The following PATJ variants were observed in gnomAD, a reference collection of about 807,000 sequenced individuals.
PATJ encodes inaD-like protein.
A neutral mutation model predicts 224.9 loss-of-function variants in PATJ; 190 were observed. The ratio of observed to expected loss-of-function variants is 0.84; its 90% CI spans 0.75 to 0.95. The LOEUF (loss-of-function observed/expected upper bound fraction) is 0.95. Ranked by LOEUF, PATJ falls within the 40% of genes least tolerant of loss-of-function variation. The pLI, the probability that PATJ is intolerant of heterozygous loss-of-function variation, is 0.00. For missense variants in PATJ, 2,121 were observed against 2,270.3 expected, an observed-to-expected ratio of 0.93 and a Z score of 1.34; for synonymous variants, 769 against 820.3, an observed-to-expected ratio of 0.94 and a Z score of 1.07.
intron 27 of PATJ, among the ~76,000 whole-genome samples, chr1:61,947,376 G>A (rs932593235): frequency 6.6e-6 from 1 of 152,082 alleles, no homozygotes; most frequent in Admixed American, 6.6e-5. Flanking sequence ...AAAGTCTCAG[G>A]ATACAAAATC....
intron 28 of PATJ, among the ~76,000 whole-genome samples, chr1:62,003,322 G>T (rs1354081891): frequency 1.3e-5 from 2 of 152,104 alleles, no homozygotes; most frequent in Non-Finnish European, 2.9e-5. Flanking sequence ...ACATGTCAGG[G>T]TTTAGAATTC....
At chr1:61,881,079 G>A (rs965106175) in intron 21 of PATJ, among the ~76,000 whole-genome samples, 2 of 152,330 alleles carry the variant, frequency 1.3e-5, no homozygotes, top group East Asian at 3.9e-4. Context: ...GGGTGACCAA[G>A]CGAGACCTTG....
rs1181400371 is a variant in PATJ at position 61,957,357 on chromosome 1, C to CT, written c.3670+29528_3670+29529insT. ...GAAAGGGCATTTTCTCTCAGTGGAA[C>CT]AATGGTTTTTATCAGACAAATAATT... On this transcript the variant is annotated intron_variant, in intron 27 of 43. Coordinates refer to ENST00000642238, the MANE Select transcript of PATJ (RefSeq NM_001350145.3). 5.3e-5 allele frequency among the ~76,000 whole-genome samples: 8 copies of CT among 152,016 alleles called. No homozygotes were observed. The East Asian group carries it at 1.5e-3, about 29-fold the overall frequency.
chr1:61,884,776 G>A (rs958688249), intron 22 of PATJ, among the ~76,000 whole-genome samples: 1 of 152,116 alleles, frequency 6.6e-6, no homozygotes, highest in Non-Finnish European at 1.5e-5. Context: ...AGTGTAAAAG[G>A]GGGTAGTTGA....
Position 61,899,629 on chromosome 1 carries a change from T to G in PATJ, c.3178T>G (p.Phe1060Val). Residue 1060 changes from phenylalanine (F) to valine (V), a missense_variant, in exon 23 of 44, where the codon TTT (phenylalanine) becomes GTT (valine). Coordinates refer to ENST00000642238, the MANE Select transcript of PATJ (RefSeq NM_001350145.3). ...AGGCGAAGGAGAAGAAACTCCAAATTTTAGCCACTGGGGTCCACCGAGAAT... is the reference window on the plus strand; with the variant it reads ...AGGCGAAGGAGAAGAAACTCCAAATGTTAGCCACTGGGGTCCACCGAGAAT... ...EEGEGEETPNFSHWGPPRIVE... is the reference protein window; with the variant it reads ...EEGEGEETPNVSHWGPPRIVE... 6.2e-7 allele frequency: 1 copy of G among 1,612,212 alleles called. No individual in the cohort carries two copies. The highest frequency in any genetic ancestry group is 8.5e-7 in the Non-Finnish European group (1 of 1,179,266).
At chr1:61,996,272 A>G (rs932492603) in intron 28 of PATJ, among the ~76,000 whole-genome samples, 1 of 152,236 alleles carries the variant, frequency 6.6e-6, no homozygotes, top group Non-Finnish European at 1.5e-5. Flanking sequence ...CCGAAACCAT[A>G]AAAGTTAAAT....
chr1:61,900,422 C>A (rs1460162934), intron 23 of PATJ, among the ~76,000 whole-genome samples: 2 of 151,938 alleles, frequency 1.3e-5, no homozygotes, highest in African/African-American at 2.4e-5. Context: ...GAAAACAAAA[C>A]CTTCTGGCCT....
intron 30 of PATJ, among the ~76,000 whole-genome samples, chr1:62,043,051 A>G (rs1651820637): frequency 2.0e-5 from 3 of 152,216 alleles, no homozygotes; most frequent in South Asian, 4.1e-4. Flanking sequence ...AAGAGTGCTA[A>G]TAAAACACTG....
In PATJ at chr1:62,108,405, GTTGAAAATGAGTAAGAT is replaced by G; in HGVS notation, c.4378-29_4378-13del. ...TTTGCTTAAGGAAGCATTTGTGGTT[GTTGAAAATGAGTAAGAT>G]TTTATTTTTTATAGAATGCTATAGT... On this transcript the variant is annotated splice_polypyrimidine_tract_variant and intron_variant, in intron 33 of 43. Coordinates refer to ENST00000642238, the MANE Select transcript of PATJ (RefSeq NM_001350145.3). 1 of 1,424,146 alleles carries G rather than the reference GTTGAAAATGAGTAAGAT, an allele frequency of 7.0e-7. No homozygotes were observed. Among genetic ancestry groups the G allele is most frequent in the Non-Finnish European group, 9.8e-7 (1 of 1,021,734 alleles). The allele number at this position is 1,424,146 out of a possible 1,614,324, so 88.2% of individuals were successfully genotyped here.
In PATJ at chr1:62,011,395, C is replaced by G. The variant is rs539388145; in HGVS notation, c.3868-6461C>G. 3.3e-5 allele frequency among the ~76,000 whole-genome samples: 5 copies of G among 152,174 alleles called. No homozygotes were observed. In the South Asian group the frequency reaches 1.0e-3, roughly 32 times the overall value. On this transcript the variant is annotated intron_variant, in intron 28 of 43. Coordinates refer to ENST00000642238, the MANE Select transcript of PATJ (RefSeq NM_001350145.3). ...TGGCCTAACTTTAATATTGTTGTGT[C>G]TTGGAATCGGAAGGCCTCGGAGGAG...
intron 30 of PATJ, among the ~76,000 whole-genome samples, chr1:62,041,950 G>A (rs973423421): frequency 1.3e-5 from 2 of 152,022 alleles, no homozygotes; most frequent in Non-Finnish European, 2.9e-5. Context: ...TCGTGCCACC[G>A]CACTCCAGCC....
At chr1:61,948,455 A>G (rs889525003) in intron 27 of PATJ, among the ~76,000 whole-genome samples, 1 of 152,252 alleles carries the variant, frequency 6.6e-6, no homozygotes, top group Non-Finnish European at 1.5e-5. Flanking sequence ...CAACAGACAC[A>G]TGAAAAAATG....
At chr1:62,138,216 C>T (rs1271914817) in intron 41 of PATJ, among the ~76,000 whole-genome samples, 1 of 152,138 alleles carries the variant, frequency 6.6e-6, no homozygotes, top group East Asian at 1.9e-4. Flanking sequence ...ATGCAATACC[C>T]ATCACCAGCA....
chr1:61,857,005 CTG>C (rs1663789671), intron 18 of PATJ, among the ~76,000 whole-genome samples: 1 of 152,174 alleles, frequency 6.6e-6, no homozygotes. Context: ...CCATATAACA[CTG>C]AGAGTTTAAT....
intron 20 of PATJ, among the ~76,000 whole-genome samples, chr1:61,874,172 TTTTATTTATTTATTTATTTATTTATTTA>T (rs61201804): frequency 5.0e-5 from 7 of 139,714 alleles, no homozygotes; most frequent in African/African-American, 2.7e-5. Flanking sequence ...CTTGGGCCTA[TTTTATTTATTTATTTATTTATTTATTTA>T]TTTATTTATT....
rs531914042 is a variant in PATJ, at chr1:61,836,691, T to G, written c.2112+2906T>G. ...GCAAGTTAATTAATCGGTTATACCA[T>G]CCCTTGTTGTAATTAGGTAATAAAT... On this transcript the variant is annotated intron_variant, in intron 17 of 43. Coordinates refer to ENST00000642238, the MANE Select transcript of PATJ (RefSeq NM_001350145.3). 1.2e-3 allele frequency among the ~76,000 whole-genome samples: 182 copies of G among 152,020 alleles called. 1 individual carries two copies. Among genetic ancestry groups the G allele is most frequent in the African/African-American group, 4.3e-3 (177 of 41,254 alleles).
At chr1:61,974,935 T>G (rs1456940670) in intron 27 of PATJ, among the ~76,000 whole-genome samples, 1 of 151,398 alleles carries the variant, frequency 6.6e-6, no homozygotes, top group Non-Finnish European at 1.5e-5. Flanking sequence ...TTGGTTGTTT[T>G]TTTGTTTTGT....
At chr1:61,948,716 A>G (rs141658793) in intron 27 of PATJ, among the ~76,000 whole-genome samples, 4,717 of 152,280 alleles carry the variant, frequency 0.031, 276 homozygotes, top group African/African-American at 0.11. Context: ...ATTACTGGGC[A>G]TATACCCAAA....
intron 17 of PATJ, among the ~76,000 whole-genome samples, chr1:61,849,173 G>A (rs1026535502): frequency 3.3e-5 from 5 of 152,202 alleles, no homozygotes; most frequent in African/African-American, 1.2e-4. Flanking sequence ...GATTGAAGTT[G>A]TTTTGCTAGT....
Sources: gnomAD v4.1 joint callset for allele counts (sites outside exome capture counted in the v4.1 genomes callset) on GRCh38, gnomAD v4.1.1 for gene constraint, MANE v1.5 for transcripts, NCBI Gene and HGNC (gene_info 2026-07-23, HGNC 2026-07-21) for gene names.